BPI: variants seen among roughly 807,000 people sequenced by gnomAD.
The protein encoded by BPI is bactericidal permeability-increasing protein.
Under a neutral mutation model 57.6 loss-of-function variants are expected in BPI, and 48 were observed. That is an observed-to-expected ratio of 0.83 (90% CI 0.66 to 1.06). BPI has a LOEUF of 1.06. Among genes scored for constraint, BPI ranks in the 50% least tolerant of loss-of-function variants. BPI has a pLI of 0.00. For synonymous variants in BPI, 237 were observed against 238.2 expected (o/e 0.99, Z 0.05); for missense variants, 651 against 609.7 (o/e 1.07, Z -0.71).
chr20:38,323,324 T>C (rs1306270636), intron 7 of BPI, among the ~76,000 whole-genome samples: 1 of 152,228 alleles, frequency 6.6e-6, no homozygotes, highest in East Asian at 1.9e-4. Context: ...CCAAATTGCT[T>C]TTCAGAAACA....
intron 1 of BPI, among the ~76,000 whole-genome samples, chr20:38,307,267 A>G (rs1007087349): frequency 6.6e-5 from 10 of 152,222 alleles, no homozygotes; most frequent in African/African-American, 2.4e-4. Flanking sequence ...TCTCATTTCA[A>G]TGCCAACAAA....
chr20:38,319,371 C>T (rs1448274305), intron 6 of BPI, among the ~76,000 whole-genome samples: 3 of 152,256 alleles, frequency 2.0e-5, no homozygotes, highest in African/African-American at 7.2e-5. Context: ...TTCCTTCACT[C>T]CAGAGCCTGG....
At chr20:38,337,108 C>A in intron 14 of BPI, 38 bp from the exon 15 acceptor site, 1 of 1,590,406 alleles carries the variant, frequency 6.3e-7, no homozygotes, top group Non-Finnish European at 8.6e-7. Context: ...ACAAGGGGTG[C>A]ATCTTCAACT....
At position 38,316,840 on chromosome 20, in the gene BPI, G is replaced by A. The variant is rs1390238237; in HGVS notation, c.601-1573G>A. ...GTCCAGAGAGTGTGGGTGAGGCGCT[G>A]CAGCATCTGCCACAGGGGCCATGGG... On this transcript the variant is annotated intron_variant, in intron 5 of 14. Transcript: ENST00000642449. Among the ~76,000 whole-genome samples, 5 of 152,192 alleles carry A rather than the reference G, an allele frequency of 3.3e-5. No individual in the cohort carries two copies. In the East Asian group the frequency reaches 9.6e-4, roughly 29 times the overall value.
At chr20:38,316,812 A>C (rs528254951) in intron 5 of BPI, among the ~76,000 whole-genome samples, 1 of 152,312 alleles carries the variant, frequency 6.6e-6, no homozygotes, top group African/African-American at 2.4e-5. Flanking sequence ...ACTTCTGAGC[A>C]CAGTCCAGAG....
chr20:38,317,366 T>A (rs1259265838), intron 5 of BPI, among the ~76,000 whole-genome samples: 1 of 152,252 alleles, frequency 6.6e-6, no homozygotes, highest in Non-Finnish European at 1.5e-5. Context: ...CTAAGCTCTC[T>A]GCTCCATGAG....
intron 5 of BPI, chr20:38,318,133 A>G: frequency 1.2e-6 from 1 of 806,706 alleles, no homozygotes. Flanking sequence ...AAAAAAAAAA[A>G]CCTTATAAAA....
chr20:38,334,302 C>T lies in BPI; in HGVS notation c.1273-128C>T, dbSNP rs558539253. 141 of 876,620 alleles carry T rather than the reference C, an allele frequency of 1.6e-4. 1 individual carries two copies. The Middle Eastern group carries it at 3.7e-3, about 23-fold the overall frequency. The allele number at this position is 876,620 out of a possible 1,614,324, so 54.3% of individuals were successfully genotyped here. On this transcript the variant is annotated intron_variant, in intron 12 of 14. Coordinates refer to ENST00000642449, the MANE Select transcript of BPI (RefSeq NM_001725.3). ...CTTGCGTCCACCTCTCAGCAGTTTT[C>T]CCAACTGCGCGGTTGCTGAGCAGCG...
At position 38,323,971 on chromosome 20, in the gene BPI, A is replaced by C. The variant is rs751098532; in HGVS notation, c.858A>C (p.Ser286=). The change falls in exon 8 of 15, where the codon TCA becomes TCC. Residue 286 remains serine, a synonymous_variant. Coordinates refer to ENST00000642449, the MANE Select transcript of BPI (RefSeq NM_001725.3). ...AHDRMVYLGL[S]DYFFNTAGLV... ...ACCGCATGGTATACCTGGGCCTCTCAGACTACTTCTTCAACACAGCCGGGC... is the reference window on the plus strand; with the variant it reads ...ACCGCATGGTATACCTGGGCCTCTCCGACTACTTCTTCAACACAGCCGGGC... 7 of 1,614,166 alleles carry C rather than the reference A, an allele frequency of 4.3e-6. No homozygotes were observed. In the South Asian group the frequency reaches 7.7e-5, roughly 18 times the overall value.
In BPI at chr20:38,312,239, C is replaced by T. The variant is rs539967659; in HGVS notation, c.600+302C>T. On this transcript the variant is annotated intron_variant, in intron 5 of 14. Coordinates refer to ENST00000642449, the MANE Select transcript of BPI (RefSeq NM_001725.3). ...TGAGAAAATGCCATTCTCTTTCTGC[C>T]TCCCTCTCTTCCCATAGCCCTGCTA... 9.7e-4 allele frequency among the ~76,000 whole-genome samples: 148 copies of T among 152,298 alleles called. 1 individual carries two copies. Among genetic ancestry groups the T allele is most frequent in the African/African-American group, 3.5e-3 (146 of 41,572 alleles).
chr20:38,334,704 C>T (rs185691707), intron 13 of BPI, among the ~76,000 whole-genome samples: 179 of 152,260 alleles, frequency 1.2e-3, no homozygotes, highest in African/African-American at 4.2e-3. Context: ...TTCATTATTG[C>T]GTGAGTTTGT....
rs144571433 is a variant in BPI, at chr20:38,311,081, CTG to C, written c.536+432_536+433del. On this transcript the variant is annotated intron_variant, in intron 4 of 14. Coordinates refer to ENST00000642449, the MANE Select transcript of BPI (RefSeq NM_001725.3). ...AGAGCTAATATTGGTCAGAGGCTGA[CTG>C]TGCCCAGCACTGATTTGATCACACT... Among the ~76,000 whole-genome samples the C allele has an allele frequency of 4.9e-3, 753 of 152,354 alleles. 5 individuals are homozygous for C. The highest frequency in any genetic ancestry group is 0.017 in the African/African-American group (711 of 41,580).
chr20:38,320,661 TACACACACAC>T (rs369329923), intron 7 of BPI, among the ~76,000 whole-genome samples: 15 of 130,816 alleles, frequency 1.1e-4, no homozygotes, highest in South Asian at 2.7e-4. Context: ...TTATTACCAA[TACACACACAC>T]ACACACACAC....
chr20:38,311,351 A>C (rs1280870698), intron 4 of BPI, among the ~76,000 whole-genome samples: 1 of 152,266 alleles, frequency 6.6e-6, no homozygotes. Flanking sequence ...TGGCCCACAC[A>C]GAATTACAAA....
At position 38,304,178 on chromosome 20, in the gene BPI, C is replaced by T. The variant is rs1407826272; in HGVS notation, c.-46C>T. On this transcript the variant is annotated 5_prime_UTR_variant, in exon 1 of 15. Coordinates refer to ENST00000642449, the MANE Select transcript of BPI (RefSeq NM_001725.3). ...ACTCTTTTATAGCTCCCTGGTTCAACCTCAAGGCCTTGAGGTTTTGGCAGC... is the reference window on the plus strand; with the variant it reads ...ACTCTTTTATAGCTCCCTGGTTCAATCTCAAGGCCTTGAGGTTTTGGCAGC... 4.3e-6 allele frequency: 7 copies of T among 1,613,256 alleles called. No homozygotes were observed. In the Admixed American group the frequency reaches 6.7e-5, roughly 15 times the overall value.
intron 7 of BPI, among the ~76,000 whole-genome samples, chr20:38,323,439 G>T (rs759528564): frequency 2.0e-5 from 3 of 152,160 alleles, no homozygotes; most frequent in Non-Finnish European, 2.9e-5. Context: ...TTCCCATTTT[G>T]CTAAGTTTAC....
In BPI at chr20:38,331,051, G is replaced by T. The variant is rs780928668; in HGVS notation, c.1233G>T (p.Leu411=). 1 of 1,614,120 alleles carries T rather than the reference G, an allele frequency of 6.2e-7. No individual in the cohort carries two copies. The highest frequency in any genetic ancestry group is 1.7e-5 in the Admixed American group (1 of 60,012). ...RLVGELKLDR[L]LLELKHSNIG... ...TCCCCTCCTCCCCCTCTCACAGGCTGCTCCTGGAACTGAAGCACTCAAATA... is the reference window on the plus strand; with the variant it reads ...TCCCCTCCTCCCCCTCTCACAGGCTTCTCCTGGAACTGAAGCACTCAAATA... The change falls in exon 12 of 15, where the codon CTG becomes CTT. Residue 411 remains leucine, a synonymous_variant. Coordinates refer to ENST00000642449, the MANE Select transcript of BPI (RefSeq NM_001725.3).
Position 38,318,244 on chromosome 20 carries a change from A to G in BPI, c.601-169A>G, listed in dbSNP as rs140498581. ...TATACAGTTATTATTTCTAAGCTAC[A>G]TGTTCAACTCTGAGCTTCCTGGTGG... On this transcript the variant is annotated intron_variant, in intron 5 of 14. Coordinates refer to ENST00000642449, the MANE Select transcript of BPI (RefSeq NM_001725.3). Among the ~76,000 whole-genome samples, 345 of 152,312 alleles carry G rather than the reference A, an allele frequency of 2.3e-3. 3 individuals are homozygous for G. Among genetic ancestry groups the G allele is most frequent in the African/African-American group, 8.0e-3 (331 of 41,562 alleles).
At chr20:38,320,951 T>G (rs1600706248) in intron 7 of BPI, among the ~76,000 whole-genome samples, 7 of 53,278 alleles carry the variant, frequency 1.3e-4, no homozygotes, top group Admixed American at 2.4e-4. Flanking sequence ...GGATGGGAGG[T>G]GGGTGTGTTG....
Sources: gnomAD v4.1 joint callset for allele counts (sites outside exome capture counted in the v4.1 genomes callset) on GRCh38, gnomAD v4.1.1 for gene constraint, MANE v1.5 for transcripts, NCBI Gene and HGNC (gene_info 2026-07-23, HGNC 2026-07-21) for gene names.